The following PHF24 variants were observed in gnomAD, a reference collection of about 807,000 sequenced individuals.
PHF24 encodes the protein PHD finger protein 24.
A neutral mutation model predicts 42.6 loss-of-function variants in PHF24; 25 were observed. The ratio of observed to expected loss-of-function variants is 0.59; its 90% CI spans 0.43 to 0.82. The LOEUF (loss-of-function observed/expected upper bound fraction) is 0.82. Ranked by LOEUF, PHF24 falls within the 40% of genes least tolerant of loss-of-function variation. The pLI is 0.00. For missense variants in PHF24, 470 were observed against 538.1 expected (o/e 0.87, Z 1.25); for synonymous variants, 185 against 204.8 (o/e 0.90, Z 0.83).
the PHF24 span, chr9:34,709,751 G>T: frequency 1.9e-6 from 3 of 1,607,584 alleles, no homozygotes; most frequent in African/African-American, 2.7e-5. Flanking sequence ...TCACCAGCCA[G>T]TACCCACCCC....
intron 3 of PHF24, among the ~76,000 whole-genome samples, chr9:34,975,857 C>T (rs1234986723): frequency 6.6e-6 from 1 of 151,980 alleles, no homozygotes; most frequent in Non-Finnish European, 1.5e-5. Context: ...TCCTAAGGCA[C>T]TTCCAAGAAA....
the PHF24 span, among the ~76,000 whole-genome samples, chr9:34,847,829 A>G: frequency 5.5e-4 from 83 of 152,264 alleles, no homozygotes; most frequent in South Asian, 4.4e-3. Flanking sequence ...GAATTTTGTC[A>G]AAGACCTTTT....
the PHF24 span, among the ~76,000 whole-genome samples, chr9:34,853,140 G>A: frequency 0.46 from 70,263 of 152,006 alleles, 17,136 homozygotes; most frequent in East Asian, 0.67. Flanking sequence ...TGTTCCTTCA[G>A]TACCTAGTTT....
chr9:34,803,187 G>C, the PHF24 span, among the ~76,000 whole-genome samples: 1 of 152,142 alleles, frequency 6.6e-6, no homozygotes, highest in Non-Finnish European at 1.5e-5. Flanking sequence ...CAAGAATCAC[G>C]TTCCAGGTGG....
chr9:34,820,323 T>A, the PHF24 span, among the ~76,000 whole-genome samples: 1 of 152,098 alleles, frequency 6.6e-6, no homozygotes, highest in Non-Finnish European at 1.5e-5. Flanking sequence ...ATGCAGAGTA[T>A]TTCATCACCC....
the PHF24 span, among the ~76,000 whole-genome samples, chr9:34,808,051 G>C: frequency 6.6e-6 from 1 of 152,010 alleles, no homozygotes; most frequent in Admixed American, 6.6e-5. Context: ...TATTTATCTG[G>C]GATCCTGCCA....
At chr9:34,705,858 G>C in the PHF24 span, among the ~76,000 whole-genome samples, 154 of 152,230 alleles carry the variant, frequency 1.0e-3, no homozygotes, top group African/African-American at 3.5e-3. Context: ...GAGCCCAGGA[G>C]TTCAAGACCA....
In PHF24 at chr9:34,958,740, C is replaced by A. The variant is rs574895496; in HGVS notation, c.-5+339C>A. 1.8e-4 allele frequency among the ~76,000 whole-genome samples: 28 copies of A among 152,160 alleles called. No homozygotes were observed. Among genetic ancestry groups the A allele is most frequent in the Non-Finnish European group, 3.5e-4 (24 of 68,012 alleles). The stretch of plus-strand genomic sequence containing the variant: ...GCAGGCACAAGGGTGGTCTCTGGAG[C>A]TGGCTCAATGGAAGACCACCTGGGA... On this transcript the variant is annotated intron_variant, in intron 1 of 7. Transcript: ENST00000242315. This position sits in a 1 kb window ranked among gnomAD's most constrained non-coding sequence, Gnocchi z 4.5.
chr9:34,844,164 A>G, the PHF24 span, among the ~76,000 whole-genome samples: 1 of 151,832 alleles, frequency 6.6e-6, no homozygotes, highest in African/African-American at 2.4e-5. Flanking sequence ...TTCTGAGTTT[A>G]TTTATTTGAG....
At chr9:34,702,649 G>T in the PHF24 span, among the ~76,000 whole-genome samples, 57 of 152,282 alleles carry the variant, frequency 3.7e-4, no homozygotes, top group African/African-American at 1.2e-3. Flanking sequence ...ACTACTAGAA[G>T]AATTACAAAT....
the PHF24 span, chr9:34,918,426 A>G: frequency 2.0e-6 from 1 of 512,724 alleles, no homozygotes; most frequent in South Asian, 2.3e-5. Flanking sequence ...AAAAAAAATC[A>G]TGGGGAATTT....
At chr9:34,913,143 CAG>C in the PHF24 span, among the ~76,000 whole-genome samples, 7 of 147,936 alleles carry the variant, frequency 4.7e-5, no homozygotes, top group Non-Finnish European at 9.0e-5. Context: ...ATCTGAAAAA[CAG>C]AGAAAAAAAA....
the PHF24 span, chr9:34,726,655 T>C: frequency 6.4e-7 from 1 of 1,551,778 alleles, no homozygotes; most frequent in African/African-American, 1.4e-5. Flanking sequence ...CCCAGTAATC[T>C]TGTATGCCAT....
At chr9:34,728,170 A>C in the PHF24 span, 14 of 1,234,830 alleles carry the variant, frequency 1.1e-5, no homozygotes, top group Non-Finnish European at 1.6e-5. Context: ...TTTGACTCTC[A>C]TCAAGAAAAG....
chr9:34,956,532 G>T (rs546258268), upstream of PHF24, among the ~76,000 whole-genome samples: 36 of 152,164 alleles, frequency 2.4e-4, no homozygotes, highest in Non-Finnish European at 4.7e-4. Flanking sequence ...AATTACAGGC[G>T]TGAGCCACCA....
At chr9:34,748,345 G>A in the PHF24 span, among the ~76,000 whole-genome samples, 1 of 152,190 alleles carries the variant, frequency 6.6e-6, no homozygotes, top group Non-Finnish European at 1.5e-5. Context: ...AGTGGGGCCT[G>A]GTGGGAGGTG....
the PHF24 span, among the ~76,000 whole-genome samples, chr9:34,902,078 A>G: frequency 6.6e-6 from 1 of 152,240 alleles, no homozygotes; most frequent in Admixed American, 6.5e-5. Flanking sequence ...TTACTAATAA[A>G]GTAAAAACTC....
the PHF24 span, among the ~76,000 whole-genome samples, chr9:34,673,332 C>T: frequency 2.2e-5 from 3 of 134,564 alleles, no homozygotes; most frequent in Non-Finnish European, 3.1e-5. Context: ...CCGGTCCGGG[C>T]TACAGAGCGA....
chr9:34,942,914 G>A, the PHF24 span, among the ~76,000 whole-genome samples: 1 of 152,028 alleles, frequency 6.6e-6, no homozygotes, highest in Non-Finnish European at 1.5e-5. Flanking sequence ...ACGAGTTAAT[G>A]GGTGCAGCAA....
Sources: allele counts gnomAD v4.1 joint callset (sites outside exome capture counted in the v4.1 genomes callset), GRCh38; gene constraint gnomAD v4.1.1; non-coding constraint Gnocchi (gnomAD v3.1); transcripts MANE v1.5; gene names NCBI Gene and HGNC (gene_info 2026-07-23, HGNC 2026-07-21).